The following TFB1M variants were observed in gnomAD, a reference collection of about 807,000 sequenced individuals.
The protein encoded by TFB1M is transcription factor B1, mitochondrial, also known as dimethyladenosine transferase 1, mitochondrial.
A neutral mutation model predicts 31.1 loss-of-function variants in TFB1M; 27 were observed. The observed-to-expected ratio is 0.87, with a 90% CI of 0.64 to 1.20. The LOEUF (loss-of-function observed/expected upper bound fraction) is 1.20, where lower values mean the gene tolerates loss of function less well. Ranked by LOEUF, TFB1M falls within the 50% of genes most tolerant of loss-of-function variation. The probability of loss-of-function intolerance (pLI) is 0.00; values close to 1 mark genes in which losing one functional copy is unlikely to be tolerated. For synonymous variants in TFB1M, 166 were observed against 151.8 expected (o/e 1.09, Z -0.69); for missense variants, 394 against 418.7 (o/e 0.94, Z 0.51).
intron 5 of TFB1M, among the ~76,000 whole-genome samples, chr6:155,262,969 T>C (rs1158634565): frequency 6.6e-6 from 1 of 152,264 alleles, no homozygotes; most frequent in Non-Finnish European, 1.5e-5. Flanking sequence ...GCTTATATTA[T>C]GTCACGGCTA....
intron 1 of TFB1M, among the ~76,000 whole-genome samples, chr6:155,312,176 T>G (rs1213672613): frequency 2.6e-5 from 4 of 152,210 alleles, no homozygotes; most frequent in Non-Finnish European, 5.9e-5. Flanking sequence ...GCACTTCTTG[T>G]AGGTGTTCAC....
intron 6 of TFB1M, 125 bp from the exon 7 acceptor site, chr6:155,258,207 T>C (rs549915028): frequency 1.7e-6 from 2 of 1,181,724 alleles, no homozygotes; most frequent in African/African-American, 1.5e-5. Flanking sequence ...CTGGAGAGAG[T>C]GGCAGGAGCC....
At position 155,312,416 on chromosome 6, in the gene TFB1M, A is replaced by C. The variant is rs79542943; in HGVS notation, c.134-1077T>G. 1.4e-3 allele frequency among the ~76,000 whole-genome samples: 220 copies of C among 152,210 alleles called. 1 individual carries two copies. Among genetic ancestry groups the C allele is most frequent in the African/African-American group, 5.1e-3 (210 of 41,546 alleles). ...TCTTAACTTTTCAGTTTCCTTGTCT[A>C]TTGTTTTATTTGTACAAGGTCATGG... On this transcript the variant is annotated intron_variant, in intron 1 of 6. Coordinates refer to ENST00000367166, the MANE Select transcript of TFB1M (RefSeq NM_016020.4).
the TFB1M span, among the ~76,000 whole-genome samples, chr6:155,230,784 T>C: frequency 1.0e-5 from 1 of 95,848 alleles, no homozygotes; most frequent in African/African-American, 4.4e-5. Flanking sequence ...CATATTTATA[T>C]AAGTAAATAT....
At chr6:155,264,620 T>C (rs1301780236) in intron 5 of TFB1M, among the ~76,000 whole-genome samples, 1 of 152,214 alleles carries the variant, frequency 6.6e-6, no homozygotes, top group African/African-American at 2.4e-5. Flanking sequence ...TTTTTCTTCC[T>C]ACAGATCTTT....
At chr6:155,256,019 A>AGGG (rs71558246), downstream of TFB1M, 52 of 146,482 alleles carry the variant, frequency 3.5e-4, no homozygotes, top group East Asian at 3.8e-3. Flanking sequence ...TTAAAAAAAA[A>AGGG]GGGGGGGGGA....
intron 5 of TFB1M, among the ~76,000 whole-genome samples, chr6:155,263,583 G>A (rs1433645066): frequency 6.6e-6 from 1 of 152,160 alleles, no homozygotes; most frequent in Admixed American, 6.5e-5. Context: ...GACGTGACTG[G>A]TTATCAGCTC....
At chr6:155,240,606 A>G in the TFB1M span, 1 of 1,614,180 alleles carries the variant, frequency 6.2e-7, no homozygotes, top group South Asian at 1.1e-5. Flanking sequence ...CCGCGGGAGA[A>G]TCAGGATCCT....
chr6:155,231,424 C>T, the TFB1M span, among the ~76,000 whole-genome samples: 1,781 of 152,272 alleles, frequency 0.012, 14 homozygotes, highest in Non-Finnish European at 0.019. Flanking sequence ...ATACAATTTC[C>T]CTGGAGTATT....
At chr6:155,275,212 T>C (rs9371879) in intron 5 of TFB1M, among the ~76,000 whole-genome samples, 98,535 of 151,898 alleles carry the variant, frequency 0.65, 32,652 homozygotes, top group East Asian at 0.98. Context: ...GGTGACAGAG[T>C]GAGACTCCAT....
intron 2 of TFB1M, among the ~76,000 whole-genome samples, chr6:155,304,838 A>C (rs1035056346): frequency 6.6e-6 from 1 of 151,858 alleles, no homozygotes; most frequent in Non-Finnish European, 1.5e-5. Context: ...CTATAGTAAT[A>C]AATACAGGTG....
At position 155,257,803 on chromosome 6, in the gene TFB1M, A is replaced by ACAT. The variant is rs1461852397; in HGVS notation, c.*30_*32dup. ...AAGAAGCTCCACGTAGTGCAAATCG[A>ACAT]CATCTGGTAGGCTGCTCGCCCCCAG... On this transcript the variant is annotated 3_prime_UTR_variant, in exon 7 of 7. Transcript: ENST00000367166. 2 of 1,613,392 alleles carry ACAT rather than the reference A, an allele frequency of 1.2e-6. No individual in the cohort carries two copies. Among genetic ancestry groups the ACAT allele is most frequent in the African/African-American group, 2.7e-5 (2 of 74,832 alleles).
chr6:155,293,540 G>A lies in TFB1M; in HGVS notation c.546+3413C>T, dbSNP rs149271835. 5.3e-4 allele frequency among the ~76,000 whole-genome samples: 81 copies of A among 152,246 alleles called. No homozygotes were observed. The East Asian group carries it at 0.014, about 27-fold the overall frequency. On this transcript the variant is annotated intron_variant, in intron 4 of 6. Transcript: ENST00000367166. The stretch of plus-strand genomic sequence containing the variant: ...TCCTCCAGATGATCCTTAGAACTGC[G>A]TATTTCAAGATAAGTTCTTTGAGGA...
At chr6:155,236,519 C>A in the TFB1M span, among the ~76,000 whole-genome samples, 1 of 151,958 alleles carries the variant, frequency 6.6e-6, no homozygotes, top group Non-Finnish European at 1.5e-5. Context: ...AAAAATTAGC[C>A]AGGTGTGGTG....
Position 155,314,385 on chromosome 6 carries a change from A to C in TFB1M, c.44T>G (p.Leu15Trp), listed in dbSNP as rs746765834. The C allele has an allele frequency of 3.1e-6, 5 of 1,614,232 alleles. No homozygotes were observed. The Admixed American group carries it at 8.3e-5, about 27-fold the overall frequency. The change falls in exon 1 of 7, where the codon TTG becomes TGG. Residue 15 changes from leucine to tryptophan, a missense_variant. Physicochemically the swap from Leu to Trp is moderately conservative, Grantham distance 61. Coordinates refer to ENST00000367166, the MANE Select transcript of TFB1M (RefSeq NM_016020.4). ...CTTAATGATTTCTCGAATCGTGGGCAACGGAGGGAGACGGCAAGTGCTGAG... is the reference window on the plus strand; with the variant it reads ...CTTAATGATTTCTCGAATCGTGGGCCACGGAGGGAGACGGCAAGTGCTGAG... ...GKLSTCRLPP[L>W]PTIREIIKLL... is the part of the protein sequence containing the mutation.
downstream of TFB1M, chr6:155,255,969 C>A: frequency 5.3e-6 from 1 of 188,346 alleles, no homozygotes. Flanking sequence ...GAGATCACAC[C>A]ACTGCACTCC....
chr6:155,268,068 A>G (rs1784744624), intron 5 of TFB1M, among the ~76,000 whole-genome samples: 1 of 152,210 alleles, frequency 6.6e-6, no homozygotes, highest in Non-Finnish European at 1.5e-5. Flanking sequence ...ACTACATTAT[A>G]TATATTTAAT....
chr6:155,246,332 TC>T, the TFB1M span, among the ~76,000 whole-genome samples: 2 of 152,044 alleles, frequency 1.3e-5, no homozygotes, highest in Admixed American at 6.6e-5. Flanking sequence ...CGTCATGATA[TC>T]CCAGAAGAAA....
intron 4 of TFB1M, 45 bp from the exon 5 acceptor site, chr6:155,285,322 C>G (rs377591551): frequency 2.0e-5 from 33 of 1,610,314 alleles, no homozygotes; most frequent in Non-Finnish European, 2.5e-5. Flanking sequence ...TTAGTCCAGC[C>G]TGATTAGATG....
Sources: allele counts gnomAD v4.1 joint callset (sites outside exome capture counted in the v4.1 genomes callset), GRCh38; gene constraint gnomAD v4.1.1; transcripts MANE v1.5; gene names NCBI Gene and HGNC (gene_info 2026-07-23, HGNC 2026-07-21).